The following LRMDA variants were observed in gnomAD, a reference collection of about 807,000 sequenced individuals.
The protein encoded by LRMDA is leucine-rich melanocyte differentiation-associated protein.
Under a neutral mutation model 29.8 loss-of-function variants are expected in LRMDA, and 18 were observed. The observed-to-expected ratio is 0.60, with a 90% CI of 0.42 to 0.90. LRMDA has a LOEUF of 0.90. Ranked by LOEUF, LRMDA falls within the 40% of genes least tolerant of loss-of-function variation. The pLI, the probability that LRMDA is intolerant of heterozygous loss-of-function variation, is 0.00. For synonymous variants in LRMDA, 125 were observed against 109.4 expected (o/e 1.14, Z -0.89); for missense variants, 273 against 273.9 (o/e 1.00, Z 0.02).
intron 2 of LRMDA, among the ~76,000 whole-genome samples, chr10:75,556,537 A>G (rs1229364923): frequency 6.6e-6 from 1 of 152,238 alleles, no homozygotes; most frequent in Non-Finnish European, 1.5e-5. Context: ...ATGGACACTT[A>G]TCCTCAGCAA....
At chr10:75,857,807 C>T (rs1844853341) in intron 2 of LRMDA, among the ~76,000 whole-genome samples, 1 of 152,162 alleles carries the variant, frequency 6.6e-6, no homozygotes, top group Non-Finnish European at 1.5e-5. Context: ...CCGCATGAAG[C>T]AATACACATA....
At chr10:75,874,419 T>TA (rs1390229281) in intron 2 of LRMDA, among the ~76,000 whole-genome samples, 2 of 152,216 alleles carry the variant, frequency 1.3e-5, no homozygotes, top group Non-Finnish European at 2.9e-5. Context: ...CTACATGGGA[T>TA]AAAATTTTAA....
At chr10:76,135,450 G>T (rs1338553991) in intron 5 of LRMDA, among the ~76,000 whole-genome samples, 1 of 152,132 alleles carries the variant, frequency 6.6e-6, no homozygotes, top group African/African-American at 2.4e-5. Flanking sequence ...CTTGGGAAAT[G>T]GTCACCTATT....
intron 2 of LRMDA, among the ~76,000 whole-genome samples, chr10:75,671,988 G>A (rs1841896806): frequency 1.3e-5 from 2 of 152,110 alleles, no homozygotes; most frequent in Admixed American, 1.3e-4. Flanking sequence ...TTAAGTTTTT[G>A]TTTTTAATGA....
At chr10:76,026,563 A>G (rs570119813) in intron 2 of LRMDA, among the ~76,000 whole-genome samples, 3 of 152,204 alleles carry the variant, frequency 2.0e-5, no homozygotes, top group Non-Finnish European at 4.4e-5. Context: ...TCAGGGTGCA[A>G]ACATGTGCCT....
At chr10:76,316,369 AG>A (rs1840699109) in intron 5 of LRMDA, among the ~76,000 whole-genome samples, 1 of 152,230 alleles carries the variant, frequency 6.6e-6, no homozygotes, top group African/African-American at 2.4e-5. Flanking sequence ...GCCCCACCGC[AG>A]CCAGCACACC....
chr10:75,706,040 A>G (rs1428951930), intron 2 of LRMDA, among the ~76,000 whole-genome samples: 2 of 152,188 alleles, frequency 1.3e-5, no homozygotes, highest in Non-Finnish European at 2.9e-5. Flanking sequence ...AACGCTGTAT[A>G]GGTAAAATGA....
At chr10:75,925,417 G>A (rs1031439021) in intron 2 of LRMDA, among the ~76,000 whole-genome samples, 1 of 152,058 alleles carries the variant, frequency 6.6e-6, no homozygotes, top group Non-Finnish European at 1.5e-5. Context: ...TTAGCGTCTG[G>A]GGGGGTTGGA....
chr10:75,592,274 T>C (rs572335265), intron 2 of LRMDA, among the ~76,000 whole-genome samples: 1 of 152,264 alleles, frequency 6.6e-6, no homozygotes, highest in African/African-American at 2.4e-5. Flanking sequence ...ATTGCTGAGG[T>C]TGAATGACAG....
chr10:76,401,545 T>G (rs1235672830), intron 6 of LRMDA, among the ~76,000 whole-genome samples: 1 of 152,166 alleles, frequency 6.6e-6, no homozygotes, highest in Non-Finnish European at 1.5e-5. Flanking sequence ...AATTTGCCAG[T>G]GCCTTCTGCC....
intron 2 of LRMDA, among the ~76,000 whole-genome samples, chr10:75,870,477 T>C (rs1348410905): frequency 6.6e-6 from 1 of 152,204 alleles, no homozygotes; most frequent in Non-Finnish European, 1.5e-5. Flanking sequence ...AAAGACTGAC[T>C]CTCTCCCTTA....
chr10:75,716,770 T>C (rs1842505751), intron 2 of LRMDA, among the ~76,000 whole-genome samples: 1 of 152,212 alleles, frequency 6.6e-6, no homozygotes, highest in Non-Finnish European at 1.5e-5. Context: ...GCCCATTTAC[T>C]CCACATAAAA....
intron 6 of LRMDA, among the ~76,000 whole-genome samples, chr10:76,411,767 G>A (rs1224391119): frequency 6.6e-6 from 1 of 152,236 alleles, no homozygotes; most frequent in African/African-American, 2.4e-5. Context: ...CACAGTCTCT[G>A]AACTCAGCAC....
chr10:75,638,774 G>A (rs1841417545), intron 2 of LRMDA, among the ~76,000 whole-genome samples: 1 of 152,206 alleles, frequency 6.6e-6, no homozygotes, highest in Non-Finnish European at 1.5e-5. Context: ...ATAGTTCCTT[G>A]CTTGTGTTTT....
intron 6 of LRMDA, among the ~76,000 whole-genome samples, chr10:76,415,826 T>C (rs933578816): frequency 6.6e-6 from 1 of 152,214 alleles, no homozygotes; most frequent in Admixed American, 6.5e-5. Context: ...CGAGATGCAC[T>C]GACACAGGCT....
At chr10:76,422,581 C>T (rs1842081851) in intron 6 of LRMDA, among the ~76,000 whole-genome samples, 1 of 152,070 alleles carries the variant, frequency 6.6e-6, no homozygotes, top group South Asian at 2.1e-4. Flanking sequence ...CTACTCAGGC[C>T]CCTATTTCAT....
intron 2 of LRMDA, among the ~76,000 whole-genome samples, chr10:75,727,139 TC>T (rs1842640251): frequency 6.6e-6 from 1 of 152,214 alleles, no homozygotes; most frequent in African/African-American, 2.4e-5. Flanking sequence ...TCCCTGGCGT[TC>T]GGGTTCTAGC....
intron 5 of LRMDA, among the ~76,000 whole-genome samples, chr10:76,261,210 G>A (rs567420259): frequency 2.0e-5 from 3 of 151,568 alleles, no homozygotes; most frequent in South Asian, 2.1e-4. Context: ...GACTACAGGC[G>A]CCTGCCACCA....
intron 6 of LRMDA, among the ~76,000 whole-genome samples, chr10:76,390,096 C>G (rs1841705380): frequency 6.6e-6 from 1 of 152,184 alleles, no homozygotes; most frequent in Non-Finnish European, 1.5e-5. Flanking sequence ...TACCATTTTA[C>G]AATCCTACCA....
Sources: allele counts gnomAD v4.1 joint callset (sites outside exome capture counted in the v4.1 genomes callset), GRCh38; gene constraint gnomAD v4.1.1; transcripts MANE v1.5; gene names NCBI Gene and HGNC (gene_info 2026-07-23, HGNC 2026-07-21).